ZSWIM9: variants seen among roughly 807,000 people sequenced by gnomAD.
The protein encoded by ZSWIM9 is zinc finger SWIM-type containing 9.
ZSWIM9 carries 11 observed loss-of-function variants against 25.0 expected under a neutral mutation model. That is an observed-to-expected ratio of 0.44 (90% CI 0.28 to 0.73). The LOEUF (loss-of-function observed/expected upper bound fraction) is 0.73, where lower values mean the gene tolerates loss of function less well. Ranked by LOEUF, ZSWIM9 falls within the 30% of genes least tolerant of loss-of-function variation. The pLI is 0.16. For missense variants in ZSWIM9, 1,070 were observed against 1,296.5 expected (o/e 0.83, Z 2.68); for synonymous variants, 562 against 582.1 (o/e 0.97, Z 0.50).
chr19:48,188,904 G>A (rs994598367), intron 3 of ZSWIM9, among the ~76,000 whole-genome samples: 9 of 151,454 alleles, frequency 5.9e-5, no homozygotes, highest in Non-Finnish European at 1.0e-4. Context: ...GGTGGCAGGC[G>A]CCTGTAGTCC....
chr19:48,192,389 G>T (rs988468102), intron 3 of ZSWIM9, among the ~76,000 whole-genome samples: 3 of 138,958 alleles, frequency 2.2e-5, no homozygotes, highest in Non-Finnish European at 4.6e-5. Context: ...GGCAGAGGTT[G>T]CAGTGAGCCA....
At chr19:48,181,490 T>C (rs1407546779) in intron 2 of ZSWIM9, 1 of 152,254 alleles carries the variant, frequency 6.6e-6, no homozygotes, top group African/African-American at 2.4e-5. Flanking sequence ...TACCACAACT[T>C]ATTTTCTCAC....
At chr19:48,187,797 TA>T in intron 3 of ZSWIM9, 1 of 147,312 alleles carries the variant, frequency 6.8e-6, no homozygotes, top group Middle Eastern at 1.0e-3. Context: ...AAAAAAAAAT[TA>T]GGCATGGTGG....
intron 3 of ZSWIM9, among the ~76,000 whole-genome samples, chr19:48,187,415 AATTATAT>A (rs2037027165): frequency 1.3e-5 from 1 of 75,546 alleles, no homozygotes. Flanking sequence ...TATATATTAT[AATTATAT>A]ATTATATTAT....
chr19:48,175,833 C>A (rs906834776), intron 2 of ZSWIM9, among the ~76,000 whole-genome samples: 2 of 152,218 alleles, frequency 1.3e-5, no homozygotes, highest in African/African-American at 4.8e-5. Flanking sequence ...ACTTCCCTCC[C>A]TGGAACAGAA....
chr19:48,185,377 C>A (rs1048771238), intron 3 of ZSWIM9, among the ~76,000 whole-genome samples: 2 of 152,112 alleles, frequency 1.3e-5, no homozygotes, highest in Admixed American at 6.6e-5. Context: ...TCAGGTGATC[C>A]CCCCGCCTTG....
At chr19:48,178,932 A>G (rs1003170097) in intron 2 of ZSWIM9, among the ~76,000 whole-genome samples, 7 of 152,168 alleles carry the variant, frequency 4.6e-5, no homozygotes, top group Non-Finnish European at 1.0e-4. Context: ...GGTCATTTAC[A>G]TACGTCTATG....
In ZSWIM9 at chr19:48,195,434, A is replaced by G; in HGVS notation, c.1370A>G (p.Glu457Gly). The change falls in exon 4 of 4, where the codon GAG becomes GGG. Residue 457 changes from glutamate (E) to glycine (G), a missense_variant. Coordinates refer to ENST00000614654, the MANE Select transcript of ZSWIM9 (RefSeq NM_199341.4). This position sits in a 1 kb window ranked among gnomAD's most constrained non-coding sequence, Gnocchi z 5.8. The part of the protein sequence containing the change: ...PDGGGPWLED[E>G]PGRGAQGENE... ...GGCGGGGGGCCTTGGCTGGAGGATG[A>G]GCCAGGGAGGGGAGCCCAGGGGGAG... The G allele has an allele frequency of 6.9e-7, 1 of 1,442,080 alleles. No homozygotes were observed. The highest frequency in any genetic ancestry group is 9.0e-7 in the Non-Finnish European group (1 of 1,106,312). The allele number at this position is 1,442,080 out of a possible 1,614,324, so 89.3% of individuals were successfully genotyped here. A position where few individuals can be genotyped will look rare whatever the true frequency, so the allele number is the denominator to read the frequency against.
Position 48,182,849 on chromosome 19 carries a change from C to G in ZSWIM9, c.588+82C>G. The G allele has an allele frequency of 1.0e-6, 1 of 962,444 alleles. No homozygotes were observed. Among genetic ancestry groups the G allele is most frequent in the East Asian group, 2.6e-5 (1 of 37,882 alleles). The allele number at this position is 962,444 out of a possible 1,614,324, so 59.6% of individuals were successfully genotyped here. A position where few individuals can be genotyped will look rare whatever the true frequency, so the allele number is the denominator to read the frequency against. ...ACTCGTGGGTCATTCATGCCTTCAT[C>G]CGCCCTCTCATCCCTTCACTCCTTT... On this transcript the variant is annotated intron_variant, in intron 3 of 3. Coordinates refer to ENST00000614654, the MANE Select transcript of ZSWIM9 (RefSeq NM_199341.4). The surrounding 1 kb of genome is among the most constrained non-coding windows in gnomAD (Gnocchi z 4.6).
chr19:48,179,178 T>C (rs549659172), intron 2 of ZSWIM9, among the ~76,000 whole-genome samples: 1 of 152,272 alleles, frequency 6.6e-6, no homozygotes, highest in South Asian at 2.1e-4. Context: ...TTTTCTTTTT[T>C]GAGACAAGGT....
At chr19:48,174,077 C>G (rs1374440538) in intron 2 of ZSWIM9, among the ~76,000 whole-genome samples, 1 of 151,900 alleles carries the variant, frequency 6.6e-6, no homozygotes, top group Non-Finnish European at 1.5e-5. Context: ...CCAAACCCTG[C>G]CACTCTCTGC....
intron 3 of ZSWIM9, chr19:48,190,557 A>G (rs976396728): frequency 6.5e-6 from 1 of 154,786 alleles, no homozygotes; most frequent in Non-Finnish European, 1.5e-5. Context: ...GCTCCCTCCC[A>G]CTCACACTTG....
rs181261505 is a variant in ZSWIM9 at position 48,195,603 on chromosome 19, G to T, written c.1539G>T (p.Glu513Asp). The T allele has an allele frequency of 1.4e-6, 2 of 1,420,730 alleles. No individual in the cohort carries two copies. The highest frequency in any genetic ancestry group is 2.9e-5 in the African/African-American group (2 of 67,806). 88.0% of individuals were successfully genotyped at this position (1,420,730 alleles called of 1,614,324 possible). ...GGGGCGGGGCTCAGTTCGAAGGTGA[G>T]AAGGGGAGGGCACTGCAGATCAGAG... ...RDWGGAQFEG[E>D]KGRALQIRDW... Residue 513 changes from glutamate (E) to aspartate (D), a missense_variant, in exon 4 of 4, where the codon GAG (glutamate) becomes GAT (aspartate). Coordinates refer to ENST00000614654, the MANE Select transcript of ZSWIM9 (RefSeq NM_199341.4). The surrounding 1 kb of genome is among the most constrained non-coding windows in gnomAD (Gnocchi z 5.8).
intron 2 of ZSWIM9, among the ~76,000 whole-genome samples, chr19:48,179,594 G>A (rs1247116579): frequency 1.3e-5 from 2 of 152,228 alleles, no homozygotes; most frequent in Admixed American, 6.5e-5. Flanking sequence ...ATAAAGAGAT[G>A]TATAAGAGAG....
rs532631072 is a variant in ZSWIM9, at chr19:48,197,530, G to T, written c.*703G>T. On this transcript the variant is annotated 3_prime_UTR_variant, in exon 4 of 4. Coordinates refer to ENST00000614654, the MANE Select transcript of ZSWIM9 (RefSeq NM_199341.4). ...CGCCTTCTGAAGAGAGAGGGAGGGC[G>T]GGCACTGGGGGTCAGGAGAGTCTCC... 2.0e-6 allele frequency: 1 copy of T among 510,534 alleles called. No individual in the cohort carries two copies. Among genetic ancestry groups the T allele is most frequent in the African/African-American group, 1.9e-5 (1 of 51,836 alleles). 31.6% of individuals were successfully genotyped at this position (510,534 alleles called of 1,614,324 possible). A position where few individuals can be genotyped will look rare whatever the true frequency, so the allele number is the denominator to read the frequency against.
chr19:48,187,985 T>TAGATAGATAGATAGATAGAC (rs1555787428), intron 3 of ZSWIM9, among the ~76,000 whole-genome samples: 4 of 146,388 alleles, frequency 2.7e-5, no homozygotes, highest in African/African-American at 1.0e-4. Flanking sequence ...GATAGATAGA[T>TAGATAGATAGATAGATAGAC]AGACAGACAG....
chr19:48,195,413 G>A lies in ZSWIM9; in HGVS notation c.1349G>A (p.Gly450Glu), dbSNP rs1347598699. ...GEAVPEGPDG[G>E]GPWLEDEPGR... is the part of the protein sequence containing the mutation. ...GCGGTGCCCGAGGGGCCCGATGGCG[G>A]GGGGCCTTGGCTGGAGGATGAGCCA... Residue 450 changes from glycine (G) to glutamate (E), a missense_variant, in exon 4 of 4, where the codon GGG (glycine) becomes GAG (glutamate). Gly to Glu is a moderately conservative substitution (Grantham distance 98). This residue lies in a region of ZSWIM9 where 583 missense variants were observed against 624.7 expected (regional missense o/e 0.93). Transcript: ENST00000614654. This position sits in a 1 kb window ranked among gnomAD's most constrained non-coding sequence, Gnocchi z 5.8. The A allele has an allele frequency of 5.5e-6, 8 of 1,460,612 alleles. No homozygotes were observed. The highest frequency in any genetic ancestry group is 1.5e-5 in the African/African-American group (1 of 68,840). 90.5% of individuals were successfully genotyped at this position (1,460,612 alleles called of 1,614,324 possible).
In ZSWIM9 at chr19:48,182,449, C is replaced by T; in HGVS notation, c.276-6C>T. On this transcript the variant is annotated splice_polypyrimidine_tract_variant and splice_region_variant and intron_variant, in intron 2 of 3. Coordinates refer to ENST00000614654, the MANE Select transcript of ZSWIM9 (RefSeq NM_199341.4). The surrounding 1 kb of genome is among the most constrained non-coding windows in gnomAD (Gnocchi z 4.6). Reference sequence around the variant, plus strand: ...GTGACCAGGGCGGTGGTGGTTCCTCCCACAGGCCTCCCCAGCCCGGCTGCC... The same window carrying T: ...GTGACCAGGGCGGTGGTGGTTCCTCTCACAGGCCTCCCCAGCCCGGCTGCC... 6.5e-7 allele frequency: 1 copy of T among 1,530,598 alleles called. No homozygotes were observed. The highest frequency in any genetic ancestry group is 1.2e-5 in the South Asian group (1 of 83,556). The allele number at this position is 1,530,598 out of a possible 1,614,324, so 94.8% of individuals were successfully genotyped here. A position where few individuals can be genotyped will look rare whatever the true frequency, so the allele number is the denominator to read the frequency against.
intron 2 of ZSWIM9, among the ~76,000 whole-genome samples, chr19:48,173,916 C>A (rs888823426): frequency 6.6e-6 from 1 of 152,206 alleles, no homozygotes; most frequent in Non-Finnish European, 1.5e-5. Context: ...GTGTGAGCCA[C>A]GGTGCCTGGT....
Sources: allele counts gnomAD v4.1 joint callset (sites outside exome capture counted in the v4.1 genomes callset), GRCh38; gene constraint gnomAD v4.1.1; regional missense constraint gnomAD v4.1.1; non-coding constraint Gnocchi (gnomAD v3.1); transcripts MANE v1.5; gene names NCBI Gene and HGNC (gene_info 2026-07-23, HGNC 2026-07-21).